The following PPP3CC variants were observed in gnomAD, a reference collection of about 807,000 sequenced individuals.
PPP3CC encodes serine/threonine-protein phosphatase 2B catalytic subunit gamma isoform.
PPP3CC carries 35 observed loss-of-function variants against 60.3 expected under a neutral mutation model. The ratio of observed to expected loss-of-function variants is 0.58; its 90% confidence interval spans 0.44 to 0.77. The LOEUF (loss-of-function observed/expected upper bound fraction) is 0.77, where lower values mean the gene tolerates loss of function less well. Among genes scored for constraint, PPP3CC ranks in the 30% least tolerant of loss-of-function variants. The pLI is 0.00. For missense variants in PPP3CC, 570 were observed against 628.9 expected, an observed-to-expected ratio of 0.91 and a Z score of 1.00; for synonymous variants, 206 against 224.3, an observed-to-expected ratio of 0.92 and a Z score of 0.73.
In PPP3CC at chr8:22,446,264, C is replaced by T. The variant is rs113658578; in HGVS notation, c.49+4806C>T. Among the ~76,000 whole-genome samples, 775 of 141,132 alleles carry T rather than the reference C, an allele frequency of 5.5e-3. 7 individuals carry two copies. The highest frequency in any genetic ancestry group is 0.022 in the African/African-American group (709 of 31,744). 92.6% of individuals were successfully genotyped at this position (141,132 alleles called of 152,430 possible). On this transcript the variant is annotated intron_variant, in intron 1 of 13. Coordinates refer to ENST00000240139, the MANE Select transcript of PPP3CC (RefSeq NM_005605.5). ...AATCCCAGAAACAAGCATGAGTTCA[C>T]GTTCAGTCCACTGGTTTCCATCCCT...
intron 4 of PPP3CC, among the ~76,000 whole-genome samples, chr8:22,500,053 C>T (rs901583714): frequency 6.6e-6 from 1 of 152,142 alleles, no homozygotes; most frequent in African/African-American, 2.4e-5. Context: ...AATGAATGAG[C>T]ATCTGTGATT....
chr8:22,497,511 TTTA>T (rs1173264672), intron 3 of PPP3CC, among the ~76,000 whole-genome samples: 1 of 152,124 alleles, frequency 6.6e-6, no homozygotes, highest in Non-Finnish European at 1.5e-5. Context: ...ACTGAATTAT[TTTA>T]TTATTTGAGT....
chr8:22,492,774 T>TA (rs1276137433), intron 3 of PPP3CC: 16 of 1,009,258 alleles, frequency 1.6e-5, no homozygotes, highest in Non-Finnish European at 2.5e-5. Context: ...AAGTTAGAGG[T>TA]AAACAATGTC....
chr8:22,490,969 AGT>A (rs1838387540), intron 3 of PPP3CC, among the ~76,000 whole-genome samples: 1 of 152,180 alleles, frequency 6.6e-6, no homozygotes, highest in Admixed American at 6.5e-5. Context: ...GTATATATCC[AGT>A]AATGGGATAA....
At chr8:22,499,883 G>T (rs560718341) in intron 4 of PPP3CC, among the ~76,000 whole-genome samples, 1 of 152,200 alleles carries the variant, frequency 6.6e-6, no homozygotes, top group African/African-American at 2.4e-5. Context: ...CAACACCTGA[G>T]ATTTATGTGT....
At chr8:22,441,485 G>A (rs1836668585) in intron 1 of PPP3CC, 27 bp downstream of exon 1, 1 of 1,518,154 alleles carries the variant, frequency 6.6e-7, no homozygotes, top group South Asian at 1.2e-5. Flanking sequence ...GCCTTCCTCT[G>A]GGACCCGCGG....
chr8:22,463,922 G>T (rs182323370), intron 1 of PPP3CC, among the ~76,000 whole-genome samples: 2 of 152,020 alleles, frequency 1.3e-5, no homozygotes, highest in East Asian at 3.9e-4. Context: ...AAGTAGCTGG[G>T]ATTACAGGTG....
At chr8:22,447,488 T>A (rs1251766556) in intron 1 of PPP3CC, among the ~76,000 whole-genome samples, 2 of 151,940 alleles carry the variant, frequency 1.3e-5, no homozygotes, top group African/African-American at 4.8e-5. Context: ...GGCCTAATTT[T>A]GGTATTTTTT....
intron 1 of PPP3CC, among the ~76,000 whole-genome samples, chr8:22,472,641 A>G (rs1233208249): frequency 6.6e-6 from 1 of 151,964 alleles, no homozygotes; most frequent in Non-Finnish European, 1.5e-5. Flanking sequence ...TCTATTTTTC[A>G]TTGTAGATTT....
chr8:22,481,202 G>A (rs1403893995), intron 3 of PPP3CC, among the ~76,000 whole-genome samples: 2 of 152,084 alleles, frequency 1.3e-5, no homozygotes, highest in Non-Finnish European at 2.9e-5. Context: ...GGGCGTGGTG[G>A]TGGGTGCCTG....
intron 1 of PPP3CC, among the ~76,000 whole-genome samples, chr8:22,469,589 C>G (rs76650714): frequency 0.042 from 6,465 of 152,128 alleles, 472 homozygotes; most frequent in African/African-American, 0.15. Context: ...ACAGCTTCTT[C>G]CTGGCTCTCT....
intron 4 of PPP3CC, among the ~76,000 whole-genome samples, chr8:22,501,028 C>T (rs761424630): frequency 6.6e-6 from 1 of 152,074 alleles, no homozygotes; most frequent in Non-Finnish European, 1.5e-5. Flanking sequence ...CATAGAGGCA[C>T]TTACCTATAG....
rs199900367 is a variant in PPP3CC at position 22,527,391 on chromosome 8, G to A, written c.944-1G>A. Reference sequence around the variant, plus strand: ...GATTTTCTTGCTTTTTTCCTTTTTAGCTGCTGTGTTGAAATATGAAAACAA... The same window carrying A: ...GATTTTCTTGCTTTTTTCCTTTTTAACTGCTGTGTTGAAATATGAAAACAA... On this transcript the variant is annotated splice_acceptor_variant, in intron 8 of 13. Transcript: ENST00000240139. LOFTEE classifies it high-confidence loss of function. 1.2e-6 allele frequency: 2 copies of A among 1,612,954 alleles called. No individual in the cohort carries two copies. Among genetic ancestry groups the A allele is most frequent in the Non-Finnish European group, 1.7e-6 (2 of 1,179,492 alleles).
At chr8:22,525,410 T>C (rs1375926306) in intron 8 of PPP3CC, among the ~76,000 whole-genome samples, 1 of 152,010 alleles carries the variant, frequency 6.6e-6, no homozygotes, top group African/African-American at 2.4e-5. Flanking sequence ...CTACTGTTGC[T>C]CTTCTTTCTC....
intron 1 of PPP3CC, among the ~76,000 whole-genome samples, chr8:22,447,339 C>T (rs1423925077): frequency 6.6e-6 from 1 of 151,884 alleles, no homozygotes; most frequent in Non-Finnish European, 1.5e-5. Flanking sequence ...GCCACCATGC[C>T]CGGCTAATTT....
intron 8 of PPP3CC, chr8:22,523,505 T>C (rs181902994): frequency 5.2e-6 from 1 of 190,822 alleles, no homozygotes. Flanking sequence ...ACTTTGAAAA[T>C]AAACATGCCA....
chr8:22,503,390 C>T (rs943714691), intron 4 of PPP3CC, among the ~76,000 whole-genome samples: 5 of 152,078 alleles, frequency 3.3e-5, no homozygotes, highest in Non-Finnish European at 7.4e-5. Context: ...ATGTAATACT[C>T]GATAAAAGCT....
intron 3 of PPP3CC, chr8:22,492,884 T>TGA: frequency 8.9e-7 from 1 of 1,129,124 alleles, no homozygotes; most frequent in South Asian, 1.2e-5. Context: ...CAGGCCATGC[T>TGA]GAGACAAAGC....
intron 3 of PPP3CC, among the ~76,000 whole-genome samples, chr8:22,491,267 G>A (rs937725810): frequency 1.3e-5 from 2 of 152,184 alleles, no homozygotes; most frequent in African/African-American, 4.8e-5. Context: ...TGGCTCTTCA[G>A]AATGGCTGTG....
Sources: allele counts gnomAD v4.1 joint callset (sites outside exome capture counted in the v4.1 genomes callset), GRCh38; gene constraint gnomAD v4.1.1; transcripts MANE v1.5; gene names NCBI Gene and HGNC (gene_info 2026-07-23, HGNC 2026-07-21).